The following AR variants were observed in gnomAD, a reference collection of about 807,000 sequenced individuals.
The protein encoded by AR is androgen receptor, also known as dihydrotestosterone receptor.
Under a neutral mutation model 53.9 loss-of-function variants are expected in AR, and 8 were observed. The ratio of observed to expected loss-of-function variants is 0.15; its 90% CI spans 0.09 to 0.27. AR has a LOEUF of 0.27. AR is among the 10% of genes least tolerant of loss of function. The pLI is 1.00. For missense variants in AR, 639 were observed against 742.5 expected, an observed-to-expected ratio of 0.86 and a Z score of 1.62; for synonymous variants, 359 against 316.4, an observed-to-expected ratio of 1.13 and a Z score of -1.43.
rs1328231903 is a variant in AR, at chrX:67,585,973, T to G, written c.1616+39211T>G. Among the ~76,000 whole-genome samples, 5 of 112,046 alleles carry G rather than the reference T, an allele frequency of 4.5e-5. No homozygotes were observed. In the Admixed American group the frequency reaches 4.7e-4, roughly 11 times the overall value. On this transcript the variant is annotated intron_variant, in intron 1 of 7. Transcript: ENST00000374690. ...TTTTCCTTTATCTCCTTCTTGCAAG[T>G]TCTTCTTTCTTTCAGCTGACTATCT...
Position 67,545,893 on chromosome X carries a change from GGGT to G in AR, c.749_751del (p.Gly250del). ...AGGCAGTGTCGGTGTCCATGGGCCT[GGGT>G]GTGGAGGCGTTGGAGCATCTGAGTC... On this transcript the variant is annotated inframe_deletion, in exon 1 of 8. Transcript: ENST00000374690. The G allele has an allele frequency of 8.2e-7, 1 of 1,212,228 alleles. No individual in the cohort carries two copies. Among genetic ancestry groups the G allele is most frequent in the Non-Finnish European group, 1.1e-6 (1 of 895,598 alleles).
At chrX:67,709,242 A>C (rs892612933) in intron 3 of AR, among the ~76,000 whole-genome samples, 3 of 112,071 alleles carry the variant, frequency 2.7e-5, no homozygotes, top group Non-Finnish European at 5.6e-5. Context: ...CCAGAGGTGG[A>C]GTCTACAGAG....
At chrX:67,557,400 G>A (rs1921103659) in intron 1 of AR, among the ~76,000 whole-genome samples, 1 of 112,226 alleles carries the variant, frequency 8.9e-6, no homozygotes, top group African/African-American at 3.2e-5. Context: ...AAGACTGTAT[G>A]TAGAGCAGGT....
chrX:67,566,361 T>C (rs776335518), intron 1 of AR, among the ~76,000 whole-genome samples: 19 of 111,970 alleles, frequency 1.7e-4, no homozygotes, highest in Non-Finnish European at 2.8e-4. Flanking sequence ...CAGCAACTTG[T>C]GAAACGCCAT....
In AR at chrX:67,716,074, C is replaced by T. The variant is rs572198793; in HGVS notation, c.2174-1404C>T. 1.2e-4 allele frequency among the ~76,000 whole-genome samples: 13 copies of T among 111,205 alleles called. No individual in the cohort carries two copies. In the South Asian group the frequency reaches 4.9e-3, roughly 42 times the overall value. ...TGGAGATCATTTAATTCTCATTTTA[C>T]AAAAGGAAAAAAAATTGAGGGTCTT... On this transcript the variant is annotated intron_variant, in intron 4 of 7. Transcript: ENST00000374690.
rs187953538 is a variant in AR, at chrX:67,727,588, C to G, written c.*3747C>G. 2.9e-4 allele frequency: 50 copies of G among 172,859 alleles called. No homozygotes were observed. The East Asian group carries it at 3.7e-3, about 13-fold the overall frequency. 14.2% of individuals were successfully genotyped at this position (172,859 alleles called of 1,213,427 possible). On this transcript the variant is annotated 3_prime_UTR_variant, in exon 8 of 8. Coordinates refer to ENST00000374690, the MANE Select transcript of AR (RefSeq NM_000044.6). ...CACAGCACAGATGTGGCCTTTCCCC[C>G]CTTCTCTCCCTTGATATCTGGCAGG...
chrX:67,698,570 G>A (rs2076030209), intron 3 of AR, among the ~76,000 whole-genome samples: 1 of 112,634 alleles, frequency 8.9e-6, no homozygotes, highest in Admixed American at 9.4e-5. Context: ...TATAAGCACT[G>A]CACACATGCA....
At chrX:67,671,754 C>G (rs750144838) in intron 2 of AR, among the ~76,000 whole-genome samples, 6 of 112,033 alleles carry the variant, frequency 5.4e-5, no homozygotes, top group Non-Finnish European at 1.9e-5. Flanking sequence ...AGTCTTTAAT[C>G]CATCTTGAGT....
chrX:67,711,425 A>C lies in AR; in HGVS notation c.1909A>C (p.Asn637His). ...LGARKLKKLG[N>H]LKLQEEGEAS... ...AGCCCGGAAGCTGAAGAAACTTGGT[A>C]ATCTGAAACTACAGGAGGAAGGAGA... The change falls in exon 4 of 8, where the codon AAT becomes CAT. Residue 637 changes from asparagine (N) to histidine (H), a missense_variant. By Grantham distance (68) the Asn-to-His change is moderately conservative. Around this residue, in one of 5 missense-constraint regions of AR, gnomAD observed 47 missense variants for 35.9 expected, o/e 1.31. Transcript: ENST00000374690. The C allele has an allele frequency of 8.4e-7, 1 of 1,196,654 alleles. No individual in the cohort carries two copies. Among genetic ancestry groups the C allele is most frequent in the South Asian group, 1.8e-5 (1 of 54,714 alleles).
chrX:67,561,933 T>G (rs1000871118), intron 1 of AR, among the ~76,000 whole-genome samples: 4 of 85,932 alleles, frequency 4.7e-5, no homozygotes, highest in African/African-American at 1.8e-4. Flanking sequence ...AAGAGGTTTT[T>G]TTTTTTTTTT....
intron 3 of AR, chrX:67,695,738 AACACACACACACAC>A (rs760106489): frequency 4.4e-6 from 3 of 688,382 alleles, no homozygotes; most frequent in South Asian, 7.8e-5. Context: ...AGTCTGTCTA[AACACACACACACAC>A]ACACACACAC....
intron 1 of AR, among the ~76,000 whole-genome samples, chrX:67,618,967 T>C (rs1471104784): frequency 8.9e-6 from 1 of 111,869 alleles, no homozygotes; most frequent in African/African-American, 3.2e-5. Flanking sequence ...CCTAGTACTT[T>C]GAATTTGCAT....
At chrX:67,639,345 T>A (rs774001562) in intron 1 of AR, among the ~76,000 whole-genome samples, 1 of 112,164 alleles carries the variant, frequency 8.9e-6, no homozygotes, top group East Asian at 2.8e-4. Flanking sequence ...TTTTTTATAA[T>A]TCTGCGAAGA....
rs775405362 is a variant in AR, at chrX:67,729,140, G to C, written c.*5299G>C. 1.8e-4 allele frequency: 32 copies of C among 174,583 alleles called. No homozygotes were observed. Among genetic ancestry groups the C allele is most frequent in the African/African-American group, 9.2e-4 (31 of 33,859 alleles). 14.4% of individuals were successfully genotyped at this position (174,583 alleles called of 1,213,427 possible). A position where few individuals can be genotyped will look rare whatever the true frequency, so the allele number is the denominator to read the frequency against. On this transcript the variant is annotated 3_prime_UTR_variant, in exon 8 of 8. Transcript: ENST00000374690. Reference sequence around the variant, plus strand: ...GAGGTGCTCTTGTTACTGGGTGTCTGTGTGCTGTAATTCTGGTTTTGGATA... The same window carrying C: ...GAGGTGCTCTTGTTACTGGGTGTCTCTGTGCTGTAATTCTGGTTTTGGATA...
In AR at chrX:67,715,195, A is replaced by G. The variant is rs1278108926; in HGVS notation, c.2174-2283A>G. Among the ~76,000 whole-genome samples, 3 of 111,080 alleles carry G rather than the reference A, an allele frequency of 2.7e-5. No individual in the cohort carries two copies. In the East Asian group the frequency reaches 8.6e-4, roughly 32 times the overall value. ...CCTCCTACCCAAGATATTCAGGGTC[A>G]ACCTCCCAGGCCTCTTCTCTAAGAG... On this transcript the variant is annotated intron_variant, in intron 4 of 7. Transcript: ENST00000374690.
At chrX:67,594,199 G>T (rs1569277769) in intron 1 of AR, among the ~76,000 whole-genome samples, 1 of 111,635 alleles carries the variant, frequency 9.0e-6, no homozygotes, top group Non-Finnish European at 1.9e-5. Context: ...TCACTATGTT[G>T]CCCTGGCTGG....
At chrX:67,659,525 T>G (rs1327619132) in intron 2 of AR, among the ~76,000 whole-genome samples, 1 of 111,272 alleles carries the variant, frequency 9.0e-6, no homozygotes, top group Non-Finnish European at 1.9e-5. Context: ...GCTTCATCCA[T>G]GTCCCTACAA....
chrX:67,721,775 T>A (rs1230406476), intron 5 of AR, 58 bp from the exon 6 acceptor site: 1 of 1,200,631 alleles, frequency 8.3e-7, no homozygotes, highest in Non-Finnish European at 1.1e-6. Flanking sequence ...AGACATTCCC[T>A]CTGGGCTTAT....
intron 1 of AR, among the ~76,000 whole-genome samples, chrX:67,629,024 C>T (rs1924886946): frequency 1.8e-5 from 2 of 111,612 alleles, no homozygotes; most frequent in African/African-American, 3.3e-5. Context: ...TGATGTGCTG[C>T]TGGATTCCGT....
Sources: allele counts gnomAD v4.1 joint callset (sites outside exome capture counted in the v4.1 genomes callset), GRCh38; gene constraint gnomAD v4.1.1; regional missense constraint gnomAD v4.1.1; transcripts MANE v1.5; gene names NCBI Gene and HGNC (gene_info 2026-07-23, HGNC 2026-07-21).